Variants in RAP1A observed in about 807,000 individuals in gnomAD.
RAP1A encodes ras-related protein Rap-1A.
A neutral mutation model predicts 26.4 loss-of-function variants in RAP1A; 6 were observed. The observed-to-expected ratio is 0.23, with a 90% confidence interval of 0.12 to 0.45. The LOEUF is 0.45. Among genes scored for constraint, RAP1A ranks in the 20% least tolerant of loss-of-function variants. The pLI is 0.99. For missense variants in RAP1A, 121 were observed against 217.2 expected, an observed-to-expected ratio of 0.56 and a Z score of 2.78; for synonymous variants, 73 against 79.4, an observed-to-expected ratio of 0.92 and a Z score of 0.43.
intron 1 of RAP1A, among the ~76,000 whole-genome samples, chr1:111,579,211 C>G (rs985570992): frequency 1.3e-5 from 2 of 152,154 alleles, no homozygotes; most frequent in African/African-American, 4.8e-5. Flanking sequence ...TTCCAATCCT[C>G]TAATCACTTG....
intron 1 of RAP1A, among the ~76,000 whole-genome samples, chr1:111,657,562 G>A (rs1330109630): frequency 6.6e-6 from 1 of 151,994 alleles, no homozygotes; most frequent in Non-Finnish European, 1.5e-5. Context: ...TTCCTCCTAT[G>A]TTTTCTTCCA....
At chr1:111,561,559 C>T (rs538477515) in intron 1 of RAP1A, among the ~76,000 whole-genome samples, 35 of 152,264 alleles carry the variant, frequency 2.3e-4, no homozygotes, top group African/African-American at 7.5e-4. Flanking sequence ...ATACAGAGGT[C>T]ATAGTCTCCA....
At chr1:111,554,260 C>T (rs1007529060) in intron 1 of RAP1A, among the ~76,000 whole-genome samples, 26 of 152,314 alleles carry the variant, frequency 1.7e-4, no homozygotes, top group African/African-American at 5.8e-4. Flanking sequence ...GAGTTTAGAA[C>T]TGTAAGAACC....
rs1662438828 is a variant in RAP1A at position 111,713,238 on chromosome 1, A to G, written c.*837A>G. ...ATCTGCAGAACACTGGCTTTAAACT[A>G]TACTAAGTAACTGGTGATTTCTCTA... On this transcript the variant is annotated 3_prime_UTR_variant, in exon 8 of 8. Transcript: ENST00000369709. The G allele has an allele frequency of 1.3e-5, 2 of 152,468 alleles. No homozygotes were observed. The highest frequency in any genetic ancestry group is 4.1e-4 in the South Asian group (2 of 4,830). The allele number at this position is 152,468 out of a possible 1,614,324, so 9.4% of individuals were successfully genotyped here. A position where few individuals can be genotyped will look rare whatever the true frequency, so the allele number is the denominator to read the frequency against.
chr1:111,610,964 ATT>A (rs5777067), intron 1 of RAP1A, among the ~76,000 whole-genome samples: 1 of 151,720 alleles, frequency 6.6e-6, no homozygotes, highest in Non-Finnish European at 1.5e-5. Context: ...GAAGAAACAT[ATT>A]TTTTTTTTAT....
At chr1:111,662,511 C>A (rs1341065662) in intron 1 of RAP1A, among the ~76,000 whole-genome samples, 1 of 151,726 alleles carries the variant, frequency 6.6e-6, no homozygotes, top group African/African-American at 2.4e-5. Context: ...AAATTAATAG[C>A]TCTGGGAACA....
intron 1 of RAP1A, among the ~76,000 whole-genome samples, chr1:111,658,213 T>C (rs1215551292): frequency 2.6e-5 from 4 of 152,192 alleles, no homozygotes; most frequent in Non-Finnish European, 4.4e-5. Flanking sequence ...TTGTAAGTGA[T>C]TTTTTAAATT....
chr1:111,604,888 C>T (rs1319436197), intron 1 of RAP1A, among the ~76,000 whole-genome samples: 1 of 152,236 alleles, frequency 6.6e-6, no homozygotes, highest in Non-Finnish European at 1.5e-5. Context: ...TCGGCCACCA[C>T]TCTGCCTCAC....
rs1320861391 is a variant in RAP1A at position 111,607,681 on chromosome 1, G to A, written c.-28+65172G>A. Among the ~76,000 whole-genome samples, 317 of 145,468 alleles carry A rather than the reference G, an allele frequency of 2.2e-3. 3 individuals are homozygous for A. The highest frequency in any genetic ancestry group is 7.8e-3 in the African/African-American group (306 of 39,350). ...TCCCTCCCGGACGGGGCGGCTGGCC[G>A]GGCGGCGGGCTGACCCCCCCACCTC... On this transcript the variant is annotated intron_variant, in intron 1 of 7. Coordinates refer to the RAP1A transcript ENST00000356415.
rs1249809691 is a variant in RAP1A, at chr1:111,542,242, C to A, written c.-295C>A. The A allele has an allele frequency of 6.6e-6, 4 of 609,724 alleles. No homozygotes were observed. The Admixed American group carries it at 7.5e-5, about 12-fold the overall frequency. The allele number at this position is 609,724 out of a possible 1,614,324, so 37.8% of individuals were successfully genotyped here. On this transcript the variant is annotated 5_prime_UTR_variant, in exon 1 of 8. Coordinates refer to the RAP1A transcript ENST00000356415. ...CATCCTTCGCGTACTGACGGAAACA[C>A]TGGCGGCACATATTGAGGCCGTATT...
chr1:111,588,054 TTC>T (rs1345196571), intron 1 of RAP1A, among the ~76,000 whole-genome samples: 1 of 152,176 alleles, frequency 6.6e-6, no homozygotes, highest in African/African-American at 2.4e-5. Context: ...CAACTGAAAC[TTC>T]TCTCTGCGTT....
chr1:111,651,461 G>T (rs1431057682), intron 1 of RAP1A, among the ~76,000 whole-genome samples: 2 of 147,548 alleles, frequency 1.4e-5, no homozygotes, highest in Non-Finnish European at 3.0e-5. Context: ...GCCTATGGGA[G>T]ATATATATAT....
intron 1 of RAP1A, among the ~76,000 whole-genome samples, chr1:111,571,534 G>C (rs1049346780): frequency 1.3e-5 from 2 of 152,232 alleles, no homozygotes; most frequent in African/African-American, 4.8e-5. Context: ...AGGCACTCCT[G>C]TCAGTCGGGA....
At chr1:111,568,533 G>A (rs142537964) in intron 1 of RAP1A, among the ~76,000 whole-genome samples, 1 of 152,222 alleles carries the variant, frequency 6.6e-6, no homozygotes, top group Non-Finnish European at 1.5e-5. Context: ...ACTGGGATTC[G>A]CATTTTTCAA....
chr1:111,595,148 T>C (rs1658543640), intron 1 of RAP1A, among the ~76,000 whole-genome samples: 2 of 152,202 alleles, frequency 1.3e-5, no homozygotes, highest in African/African-American at 4.8e-5. Context: ...GGACATTAAA[T>C]TTGTATTCAG....
chr1:111,552,168 T>C (rs568465964), intron 1 of RAP1A, among the ~76,000 whole-genome samples: 2 of 152,326 alleles, frequency 1.3e-5, no homozygotes, highest in African/African-American at 4.8e-5. Context: ...TGAAACAAGA[T>C]AAAACATGAC....
intron 1 of RAP1A, among the ~76,000 whole-genome samples, chr1:111,621,097 C>T (rs1659189427): frequency 6.6e-6 from 1 of 152,158 alleles, no homozygotes; most frequent in Non-Finnish European, 1.5e-5. Context: ...AGGTAGCCAG[C>T]CACTCTTCTT....
rs1021751476 is a variant in RAP1A, at chr1:111,640,738, T to A, written c.-28+20804T>A. Among the ~76,000 whole-genome samples the A allele has an allele frequency of 5.3e-5, 8 of 152,194 alleles. No individual in the cohort carries two copies. In the East Asian group the frequency reaches 1.5e-3, roughly 29 times the overall value. ...ACTTTGGAAGGCCAAGGTAGGAGGA[T>A]AGCTTGAGCCCATGAGTTTGAGACC... On this transcript the variant is annotated intron_variant, in intron 1 of 7. Transcript: ENST00000369709.
At chr1:111,632,916 G>C (rs112542500) in intron 1 of RAP1A, among the ~76,000 whole-genome samples, 17,812 of 115,770 alleles carry the variant, frequency 0.15, 1,411 homozygotes, top group South Asian at 0.22. Context: ...AGCAAAACTT[G>C]GTCTCAAAAA....
Sources: allele counts gnomAD v4.1 joint callset (sites outside exome capture counted in the v4.1 genomes callset), GRCh38; gene constraint gnomAD v4.1.1; transcripts MANE v1.5; gene names NCBI Gene and HGNC (gene_info 2026-07-23, HGNC 2026-07-21).